ADAMTS6: variants seen among roughly 807,000 people sequenced by gnomAD.
ADAMTS6 encodes the protein A disintegrin and metalloproteinase with thrombospondin motifs 6.
A neutral mutation model predicts 144.3 loss-of-function variants in ADAMTS6; 23 were observed. The observed-to-expected ratio is 0.16, with a 90% confidence interval of 0.11 to 0.23. The LOEUF is 0.23. Ranked by LOEUF, ADAMTS6 falls within the 10% of genes least tolerant of loss-of-function variation. The pLI, the probability that ADAMTS6 is intolerant of heterozygous loss-of-function variation, is 1.00. For missense variants in ADAMTS6, 999 were observed against 1,379.6 expected, an observed-to-expected ratio of 0.72 and a Z score of 4.37; for synonymous variants, 444 against 457.5, an observed-to-expected ratio of 0.97 and a Z score of 0.38.
At chr5:65,285,581 C>A (rs1763297539) in intron 11 of ADAMTS6, among the ~76,000 whole-genome samples, 1 of 152,106 alleles carries the variant, frequency 6.6e-6, no homozygotes, top group Admixed American at 6.6e-5. Flanking sequence ...GTTCTAGCCA[C>A]TGGGGATACA....
At chr5:65,253,812 C>CT (rs759508097) in intron 14 of ADAMTS6, among the ~76,000 whole-genome samples, 2,729 of 66,978 alleles carry the variant, frequency 0.041, 575 homozygotes, top group Middle Eastern at 0.053. Flanking sequence ...AATATTCAAT[C>CT]TTTTTTTTTT....
chr5:65,269,574 A>AG (rs1326761117), intron 12 of ADAMTS6, among the ~76,000 whole-genome samples: 2 of 152,200 alleles, frequency 1.3e-5, no homozygotes, highest in Admixed American at 1.3e-4. Flanking sequence ...GAGTCAGCAT[A>AG]GAGAGGCAAA....
intron 7 of ADAMTS6, among the ~76,000 whole-genome samples, chr5:65,387,056 A>C (rs1169735507): frequency 1.3e-5 from 2 of 152,232 alleles, no homozygotes; most frequent in East Asian, 3.8e-4. Context: ...GAAATGACAC[A>C]ATTTAAAAAT....
chr5:65,236,419 C>T (rs967583991), intron 15 of ADAMTS6, among the ~76,000 whole-genome samples: 1 of 152,152 alleles, frequency 6.6e-6, no homozygotes, highest in Non-Finnish European at 1.5e-5. Flanking sequence ...TCCTGAGTAG[C>T]TGAGACTACA....
At chr5:65,158,530 T>C (rs1368856984) in intron 24 of ADAMTS6, among the ~76,000 whole-genome samples, 1 of 152,204 alleles carries the variant, frequency 6.6e-6, no homozygotes, top group East Asian at 1.9e-4. Context: ...CAAGGGAACT[T>C]GAAACTGCAT....
intron 3 of ADAMTS6, among the ~76,000 whole-genome samples, chr5:65,461,704 C>T (rs956155936): frequency 1.3e-5 from 2 of 152,074 alleles, no homozygotes; most frequent in African/African-American, 4.8e-5. Context: ...GGGGATTGCC[C>T]CAGACAACAA....
At chr5:65,182,443 C>CAAAA (rs1216237939) in intron 22 of ADAMTS6, among the ~76,000 whole-genome samples, 44 of 56,258 alleles carry the variant, frequency 7.8e-4, no homozygotes, top group East Asian at 1.5e-3. Context: ...GACTCCATCT[C>CAAAA]AAAAAAAAAA....
intron 9 of ADAMTS6, among the ~76,000 whole-genome samples, chr5:65,313,128 AACACACACAC>A (rs61525269): frequency 0.011 from 1,511 of 135,832 alleles, 26 homozygotes; most frequent in African/African-American, 0.035. Flanking sequence ...TTATTTCTGC[AACACACACAC>A]ACACACACAC....
intron 24 of ADAMTS6, among the ~76,000 whole-genome samples, chr5:65,169,467 A>C (rs1753455809): frequency 7.4e-6 from 1 of 134,630 alleles, no homozygotes; most frequent in South Asian, 2.4e-4. Context: ...CCATTGTGGA[A>C]GTCAGTGTGG....
At chr5:65,371,658 A>C (rs201868579) in intron 7 of ADAMTS6, among the ~76,000 whole-genome samples, 1 of 152,174 alleles carries the variant, frequency 6.6e-6, no homozygotes, top group East Asian at 1.9e-4. Context: ...GTGTACCTGA[A>C]AGTGACGAGG....
At chr5:65,182,635 G>C (rs2112144786) in intron 22 of ADAMTS6, among the ~76,000 whole-genome samples, 1 of 152,230 alleles carries the variant, frequency 6.6e-6, no homozygotes, top group Non-Finnish European at 1.5e-5. Context: ...AACAAATCCT[G>C]ATGGCAGTTT....
At chr5:65,274,666 CTAT>C (rs1461534588) in intron 11 of ADAMTS6, among the ~76,000 whole-genome samples, 2 of 151,602 alleles carry the variant, frequency 1.3e-5, no homozygotes, top group African/African-American at 4.8e-5. Flanking sequence ...TATATAGTGT[CTAT>C]TAAGGTTTTT....
chr5:65,230,194 T>C (rs932983535), intron 15 of ADAMTS6, among the ~76,000 whole-genome samples: 6 of 149,964 alleles, frequency 4.0e-5, no homozygotes, highest in Non-Finnish European at 8.9e-5. Context: ...TTGTATATGA[T>C]TGAAGGTAAG....
chr5:65,148,820 C>G lies in ADAMTS6; in HGVS notation c.*3016G>C, dbSNP rs1289858336. 2.0e-5 allele frequency: 3 copies of G among 152,498 alleles called. No homozygotes were observed. Among genetic ancestry groups the G allele is most frequent in the African/African-American group, 7.2e-5 (3 of 41,398 alleles). The allele number at this position is 152,498 out of a possible 1,614,324, so 9.4% of individuals were successfully genotyped here. ...TGCCTGGCGTGGAATTTCACTCCAT[C>G]AAGTGTTACAATGATTTTTTCATTT... On this transcript the variant is annotated 3_prime_UTR_variant, in exon 25 of 25. Coordinates refer to ENST00000381055, the MANE Select transcript of ADAMTS6 (RefSeq NM_197941.4).
intron 7 of ADAMTS6, among the ~76,000 whole-genome samples, chr5:65,369,532 C>A (rs1282289148): frequency 7.3e-6 from 1 of 136,776 alleles, no homozygotes; most frequent in Non-Finnish European, 1.7e-5. Flanking sequence ...CACTGTTACG[C>A]TTCATTAAAA....
At chr5:65,334,967 C>A (rs116627357) in intron 7 of ADAMTS6, among the ~76,000 whole-genome samples, 1 of 151,856 alleles carries the variant, frequency 6.6e-6, no homozygotes, top group African/African-American at 2.4e-5. Flanking sequence ...ATGCTAGAAG[C>A]GAAAAGATTT....
At chr5:65,190,960 G>A (rs1054023097) in intron 21 of ADAMTS6, among the ~76,000 whole-genome samples, 7 of 151,992 alleles carry the variant, frequency 4.6e-5, no homozygotes, top group Non-Finnish European at 1.0e-4. Flanking sequence ...AAGACATACT[G>A]CTTTCCCTTG....
chr5:65,386,590 T>A (rs924056101), intron 7 of ADAMTS6, among the ~76,000 whole-genome samples: 5 of 135,274 alleles, frequency 3.7e-5, no homozygotes, highest in African/African-American at 8.8e-5. Context: ...TCTTTTTTGG[T>A]TGGTTGGTTG....
At chr5:65,455,574 GGTAAAATATTTCAAATATTTTGTCCA>G (rs1386374988) in intron 4 of ADAMTS6, among the ~76,000 whole-genome samples, 4 of 151,310 alleles carry the variant, frequency 2.6e-5, no homozygotes, top group Non-Finnish European at 5.9e-5. Context: ...AGAACAGGTT[GGTAAAATATTTCAAATATTTTGTCCA>G]GTAAAATATT....
Sources: allele counts gnomAD v4.1 joint callset (sites outside exome capture counted in the v4.1 genomes callset), GRCh38; gene constraint gnomAD v4.1.1; transcripts MANE v1.5; gene names NCBI Gene and HGNC (gene_info 2026-07-23, HGNC 2026-07-21).